The following MADCAM1 variants were observed in gnomAD, a reference collection of about 807,000 sequenced individuals.
MADCAM1 encodes mucosal vascular addressin cell adhesion molecule 1, also known as mucosal addressin cell adhesion molecule 1.
In MADCAM1, 19 loss-of-function variants were observed where a neutral mutation model predicts 26.1. That is an observed-to-expected ratio of 0.73 (90% CI 0.51 to 1.07). MADCAM1 has a LOEUF of 1.07. Among genes scored for constraint, MADCAM1 ranks in the 50% least tolerant of loss-of-function variants. The pLI, the probability that MADCAM1 is intolerant of heterozygous loss-of-function variation, is 0.00. For missense variants in MADCAM1, 514 were observed against 542.1 expected, an observed-to-expected ratio of 0.95 and a Z score of 0.51; for synonymous variants, 268 against 260.9, an observed-to-expected ratio of 1.03 and a Z score of -0.26.
Position 504,862 on chromosome 19 carries a change from C to T in MADCAM1, c.1046C>T (p.Ala349Val), listed in dbSNP as rs149388006. 10 of 1,612,964 alleles carry T rather than the reference C, an allele frequency of 6.2e-6. No individual in the cohort carries two copies. The highest frequency in any genetic ancestry group is 1.3e-5 in the African/African-American group (1 of 75,048). The change falls in exon 5 of 5, where the codon GCT becomes GTT. Residue 349 changes from alanine (A) to valine (V), a missense_variant. Physicochemically the swap from Ala to Val is moderately conservative, Grantham distance 64 (BLOSUM62 0). This residue lies in a region of MADCAM1 where 152 missense variants were observed against 136.7 expected (regional missense o/e 1.11). Transcript: ENST00000215637. ...CTCTGGAAACGCTGCCGGCACCTGG[C>T]TGAGGACGACACCCACCCACCAGCT... The part of the protein sequence containing the change: ...YHLWKRCRHL[A>V]EDDTHPPASL...
chr19:502,006 AAGAAATTGCC>A, intron 4 of MADCAM1, 77 bp downstream of exon 4: 1 of 1,358,804 alleles, frequency 7.4e-7, no homozygotes, highest in Non-Finnish European at 9.6e-7. Flanking sequence ...GACTTTAGAC[AAGAAATTGCC>A]CTGCCCAGCC....
intron 4 of MADCAM1, among the ~76,000 whole-genome samples, chr19:503,460 A>G (rs1978453410): frequency 6.7e-6 from 1 of 148,984 alleles, no homozygotes; most frequent in Non-Finnish European, 1.5e-5. Context: ...GGGCGCCTGT[A>G]GTCCCAGCTA....
chr19:498,450 A>C, intron 2 of MADCAM1, 46 bp from the exon 3 acceptor site: 1 of 1,428,650 alleles, frequency 7.0e-7, no homozygotes, highest in African/African-American at 1.5e-5. Flanking sequence ...CATCACGTCC[A>C]GCCCTGACTC....
chr19:503,021 G>A (rs1978414632), intron 4 of MADCAM1, among the ~76,000 whole-genome samples: 1 of 152,248 alleles, frequency 6.6e-6, no homozygotes, highest in African/African-American at 2.4e-5. Context: ...ATATGCCTGG[G>A]TAAGCCCAAG....
intron 2 of MADCAM1, among the ~76,000 whole-genome samples, 183 bp downstream of exon 2, chr19:498,300 C>G (rs1978296004): frequency 6.6e-6 from 1 of 152,170 alleles, no homozygotes; most frequent in Admixed American, 6.5e-5. Flanking sequence ...AGGGCCGGCC[C>G]TGGCCCATCC....
intron 3 of MADCAM1, 62 bp downstream of exon 3, chr19:498,887 C>T (rs1385309962): frequency 1.4e-5 from 1 of 73,936 alleles, no homozygotes; most frequent in Non-Finnish European, 2.4e-5. Context: ...CACTTCGGGA[C>T]GGGGTGGGGG....
intron 3 of MADCAM1, 122 bp downstream of exon 3, chr19:498,947 C>G (rs1437705189): frequency 4.5e-6 from 6 of 1,346,012 alleles, no homozygotes; most frequent in Admixed American, 2.2e-5. Context: ...ACTGGATTCC[C>G]CCACGCAGCG....
intron 1 of MADCAM1, among the ~76,000 whole-genome samples, chr19:497,064 A>G (rs1468879831): frequency 9.9e-4 from 6 of 6,052 alleles, no homozygotes; most frequent in African/African-American, 4.7e-3. Context: ...GGGACGCAGG[A>G]GAGAGGAGGG....
chr19:503,595 T>G (rs1016191338), intron 4 of MADCAM1, among the ~76,000 whole-genome samples: 2 of 82,864 alleles, frequency 2.4e-5, no homozygotes, highest in Non-Finnish European at 5.0e-5. Context: ...AAAAAAAAAA[T>G]TAAAAGTAAA....
In MADCAM1 at chr19:498,593, C is replaced by T. The variant is rs147512432; in HGVS notation, c.435C>T (p.Asn145=). ...TAHKVTPVDP[N]ALSFSLLVGG... is the part of the protein sequence containing the mutation. ...ACAAAGTCACGCCCGTGGACCCCAA[C>T]GCGCTCTCCTTCTCCCTGCTCGTCG... Residue 145 remains asparagine (N), a synonymous_variant, in exon 3 of 5, where the codon AAC becomes AAT. Transcript: ENST00000215637. The T allele has an allele frequency of 2.3e-5, 34 of 1,484,344 alleles. No individual in the cohort carries two copies. Among genetic ancestry groups the T allele is most frequent in the Non-Finnish European group, 2.9e-5 (33 of 1,121,712 alleles). The allele number at this position is 1,484,344 out of a possible 1,614,324, so 91.9% of individuals were successfully genotyped here.
rs374750697 is a variant in MADCAM1, at chr19:504,962, C to T, written c.1146C>T (p.Ser382=). The change falls in exon 5 of 5, where the codon TCC becomes TCT. Residue 382 remains serine (S), a synonymous_variant. Coordinates refer to ENST00000215637, the MANE Select transcript of MADCAM1 (RefSeq NM_130760.3). ...RGTGQVGISP[S] is the part of the protein sequence containing the mutation. ...CCGGCCAGGTCGGGATCAGCCCCTCCTGAGTGGCCAGCCTTTCCCCCTGTG... is the reference window on the plus strand; with the variant it reads ...CCGGCCAGGTCGGGATCAGCCCCTCTTGAGTGGCCAGCCTTTCCCCCTGTG... 2 of 1,587,186 alleles carry T rather than the reference C, an allele frequency of 1.3e-6. No individual in the cohort carries two copies. Among genetic ancestry groups the T allele is most frequent in the African/African-American group, 1.3e-5 (1 of 74,460 alleles).
chr19:499,174 G>C, intron 3 of MADCAM1: 1 of 516,814 alleles, frequency 1.9e-6, no homozygotes. Flanking sequence ...AGCCACACGG[G>C]CCTCCTCGCC....
intron 3 of MADCAM1, among the ~76,000 whole-genome samples, chr19:500,599 G>T (rs574301379): frequency 2.0e-5 from 3 of 151,932 alleles, no homozygotes; most frequent in African/African-American, 7.3e-5. Context: ...GGCCAGGTGC[G>T]GTGGCTCATG....
intron 3 of MADCAM1, among the ~76,000 whole-genome samples, chr19:500,788 T>C (rs1474084097): frequency 6.6e-6 from 1 of 152,078 alleles, no homozygotes; most frequent in Non-Finnish European, 1.5e-5. Context: ...GAGAATCGCT[T>C]GAACCCGGGA....
Position 498,636 on chromosome 19 carries a change from G to A in MADCAM1, c.478G>A (p.Gly160Arg). ...SLLVGGQELE[G>R]AQALGPEVQE... is the part of the protein sequence containing the mutation. ...GCTCGTCGGGGGCCAGGAACTGGAG[G>A]GGGCGCAAGCCCTGGGCCCGGAGGT... The change falls in exon 3 of 5, where the codon GGG (glycine) becomes AGG (arginine). Residue 160 changes from glycine (G) to arginine (R), a missense_variant. Gly to Arg is a moderately radical substitution (Grantham distance 125, BLOSUM62 -2). This residue lies in a region of MADCAM1 where 317 missense variants were observed against 313.6 expected (regional missense o/e 1.01). Coordinates refer to ENST00000215637, the MANE Select transcript of MADCAM1 (RefSeq NM_130760.3). 1 of 1,468,164 alleles carries A rather than the reference G, an allele frequency of 6.8e-7. No individual in the cohort carries two copies. The highest frequency in any genetic ancestry group is 9.0e-7 in the Non-Finnish European group (1 of 1,115,508). 90.9% of individuals were successfully genotyped at this position (1,468,164 alleles called of 1,614,324 possible).
intron 3 of MADCAM1, chr19:499,226 G>C (rs901789802): frequency 2.7e-5 from 13 of 477,110 alleles, no homozygotes; most frequent in South Asian, 1.7e-4. Context: ...ATCCTGCCCC[G>C]GGGCCTTTGC....
chr19:498,692 C>T lies in MADCAM1; in HGVS notation c.534C>T (p.Asp178=). Residue 178 remains aspartate, a synonymous_variant, in exon 3 of 5, where the codon GAC becomes GAT. Transcript: ENST00000215637. The part of the protein sequence containing the change: ...VQEEEEEPQG[D]EDVLFRVTER... ...AGGAGGAGGAGGAGCCCCAGGGGGA[C>T]GAGGACGTGCTGTTCAGGGTGACAG... The T allele has an allele frequency of 3.5e-6, 5 of 1,446,090 alleles. No individual in the cohort carries two copies. The highest frequency in any genetic ancestry group is 3.1e-5 in the Admixed American group (1 of 32,280). The allele number at this position is 1,446,090 out of a possible 1,614,324, so 89.6% of individuals were successfully genotyped here. A position where few individuals can be genotyped will look rare whatever the true frequency, so the allele number is the denominator to read the frequency against.
intron 3 of MADCAM1, chr19:499,370 CT>C: frequency 4.4e-6 from 2 of 456,564 alleles, no homozygotes. Context: ...GGGTCAACCC[CT>C]GATCCCCAAC....
Position 505,012 on chromosome 19 carries a change from C to T in MADCAM1, c.*47C>T, listed in dbSNP as rs1448568967. On this transcript the variant is annotated 3_prime_UTR_variant, in exon 5 of 5. Coordinates refer to ENST00000215637, the MANE Select transcript of MADCAM1 (RefSeq NM_130760.3). ...GAAAGCAAAATAGCTTGGACCCCTT[C>T]AAGTTGAGAACTGGTCAGGGCAAAC... The T allele has an allele frequency of 7.0e-7, 1 of 1,437,696 alleles. No individual in the cohort carries two copies. The highest frequency in any genetic ancestry group is 2.1e-5 in the Admixed American group (1 of 47,184). 89.1% of individuals were successfully genotyped at this position (1,437,696 alleles called of 1,614,324 possible). A position where few individuals can be genotyped will look rare whatever the true frequency, so the allele number is the denominator to read the frequency against.
Sources: gnomAD v4.1 joint callset for allele counts (sites outside exome capture counted in the v4.1 genomes callset) on GRCh38, gnomAD v4.1.1 for gene constraint, gnomAD v4.1.1 regional missense constraint, MANE v1.5 for transcripts, NCBI Gene and HGNC (gene_info 2026-07-23, HGNC 2026-07-21) for gene names.